Variants in GTF2A1 observed in about 807,000 individuals in gnomAD.
GTF2A1 encodes the protein transcription initiation factor IIA subunit 1.
GTF2A1 carries 12 observed loss-of-function variants against 54.1 expected under a neutral mutation model. The observed-to-expected ratio is 0.22, with a 90% CI of 0.14 to 0.36. The LOEUF is 0.36. Among genes scored for constraint, GTF2A1 ranks in the 10% least tolerant of loss-of-function variants. The probability of loss-of-function intolerance (pLI) is 1.00; values close to 1 mark genes in which losing one functional copy is unlikely to be tolerated. For missense variants in GTF2A1, 335 were observed against 442.2 expected (o/e 0.76, Z 2.17); for synonymous variants, 145 against 152.0 (o/e 0.95, Z 0.34).
intron 2 of GTF2A1, among the ~76,000 whole-genome samples, chr14:81,212,387 A>G (rs1332252690): frequency 1.3e-5 from 2 of 152,112 alleles, no homozygotes; most frequent in Non-Finnish European, 2.9e-5. Flanking sequence ...TTTACTGAAA[A>G]CCAGGGCTGT....
Position 81,177,832 on chromosome 14 carries a change from T to A in GTF2A1, c.*2391A>T, listed in dbSNP as rs1177344073. The A allele has an allele frequency of 6.6e-6, 1 of 152,098 alleles. No individual in the cohort carries two copies. The highest frequency in any genetic ancestry group is 1.5e-5 in the Non-Finnish European group (1 of 67,966). The allele number at this position is 152,098 out of a possible 1,614,324, so 9.4% of individuals were successfully genotyped here. Reference sequence around the variant, plus strand: ...GACATTCTTACAGCAAAAGCTACTATAATAAAACTAAAACATGCTATTTGA... The same window carrying A: ...GACATTCTTACAGCAAAAGCTACTAAAATAAAACTAAAACATGCTATTTGA... On this transcript the variant is annotated 3_prime_UTR_variant, in exon 9 of 9. Coordinates refer to ENST00000553612, the MANE Select transcript of GTF2A1 (RefSeq NM_015859.4).
chr14:81,213,716 G>C (rs1347839747), intron 2 of GTF2A1, among the ~76,000 whole-genome samples: 2 of 151,788 alleles, frequency 1.3e-5, no homozygotes, highest in African/African-American at 4.8e-5. Flanking sequence ...TCTTACACTT[G>C]TATTTTTAGA....
chr14:81,184,081 T>C (rs2140146691), intron 8 of GTF2A1, among the ~76,000 whole-genome samples: 1 of 152,310 alleles, frequency 6.6e-6, no homozygotes, highest in Non-Finnish European at 1.5e-5. Context: ...CACTTACTAA[T>C]TTAAAACAGT....
At chr14:81,180,430 C>A (rs1005111117) in intron 8 of GTF2A1, 100 bp from the exon 9 acceptor site, 3 of 640,382 alleles carry the variant, frequency 4.7e-6, no homozygotes, top group Non-Finnish European at 8.6e-6. Context: ...CACACACACC[C>A]CCCCACAAAA....
At chr14:81,181,406 T>C (rs1892635687) in intron 8 of GTF2A1, among the ~76,000 whole-genome samples, 1 of 151,984 alleles carries the variant, frequency 6.6e-6, no homozygotes, top group African/African-American at 2.4e-5. Flanking sequence ...ACAGATTGGA[T>C]AGGGTTCAAT....
intron 1 of GTF2A1, among the ~76,000 whole-genome samples, chr14:81,218,383 A>G (rs1479750633): frequency 6.6e-6 from 1 of 152,202 alleles, no homozygotes; most frequent in Non-Finnish European, 1.5e-5. Flanking sequence ...CATAAGCCCT[A>G]TAGGTGAAGG....
chr14:81,208,280 AC>A, intron 2 of GTF2A1, among the ~76,000 whole-genome samples: 1 of 152,280 alleles, frequency 6.6e-6, no homozygotes, highest in South Asian at 2.1e-4. Flanking sequence ...TAGAGCTCAG[AC>A]TGTGGCTTCA....
In GTF2A1 at chr14:81,192,798, A is replaced by T. The variant is rs746755331; in HGVS notation, c.654T>A (p.Gly218=). ...AGATTTGCTGAGGCTGGATGATGACACCTGTCTGTGGTGAAATCCCTCCAG... is the reference window on the plus strand; with the variant it reads ...AGATTTGCTGAGGCTGGATGATGACTCCTGTCTGTGGTGAAATCCCTCCAG... ...PLPGGISPQT[G]VIIQPQQILF... Residue 218 remains glycine (G), a synonymous_variant, in exon 7 of 9, where the codon GGT becomes GGA. Coordinates refer to ENST00000553612, the MANE Select transcript of GTF2A1 (RefSeq NM_015859.4). The T allele has an allele frequency of 1.2e-6, 2 of 1,613,578 alleles. No homozygotes were observed. The highest frequency in any genetic ancestry group is 3.3e-5 in the Admixed American group (2 of 60,024).
chr14:81,211,906 T>TATATATATATATATATATATAA (rs1482333114), intron 2 of GTF2A1, among the ~76,000 whole-genome samples: 1 of 140,804 alleles, frequency 7.1e-6, no homozygotes, highest in African/African-American at 2.7e-5. Context: ...TATATATATA[T>TATATATATATATATATATATAA]ATAACTAGAG....
chr14:81,220,366 C>CGGCGGCCGCGCG, intron 1 of GTF2A1, 123 bp downstream of exon 1: 1 of 438,014 alleles, frequency 2.3e-6, no homozygotes, highest in Non-Finnish European at 3.6e-6. Context: ...GCGGCGGCGG[C>CGGCGGCCGCGCG]GGCGGCCGCG....
chr14:81,203,610 A>G (rs975952152), intron 3 of GTF2A1, among the ~76,000 whole-genome samples: 4 of 152,216 alleles, frequency 2.6e-5, no homozygotes, highest in Non-Finnish European at 4.4e-5. Context: ...CAAAATATTA[A>G]TATAACTTCT....
chr14:81,213,006 C>A (rs999229638), intron 2 of GTF2A1, among the ~76,000 whole-genome samples: 2 of 152,204 alleles, frequency 1.3e-5, no homozygotes. Flanking sequence ...ATAACAAACT[C>A]ATTTTAGTCT....
At chr14:81,212,780 T>A (rs1451017190) in intron 2 of GTF2A1, among the ~76,000 whole-genome samples, 2 of 152,254 alleles carry the variant, frequency 1.3e-5, no homozygotes, top group Non-Finnish European at 2.9e-5. Flanking sequence ...AAGTTTAGAT[T>A]AATAAAAATT....
rs555527755 is a variant in GTF2A1 at position 81,186,855 on chromosome 14, G to A, written c.934-1235C>T. 7.2e-5 allele frequency among the ~76,000 whole-genome samples: 11 copies of A among 152,146 alleles called. No individual in the cohort carries two copies. In the South Asian group the frequency reaches 2.3e-3, roughly 32 times the overall value. On this transcript the variant is annotated intron_variant, in intron 7 of 8. Coordinates refer to ENST00000553612, the MANE Select transcript of GTF2A1 (RefSeq NM_015859.4). ...GTCCCACCTACTCAGGAGGATGAGG[G>A]TGGGAGGATTACTTGAACCCAGGTG...
At chr14:81,219,813 CT>C (rs561864246) in intron 1 of GTF2A1, among the ~76,000 whole-genome samples, 1 of 152,110 alleles carries the variant, frequency 6.6e-6, no homozygotes, top group Non-Finnish European at 1.5e-5. Context: ...CCACTGCAGG[CT>C]TTTTTTGTTT....
intron 7 of GTF2A1, among the ~76,000 whole-genome samples, chr14:81,188,927 T>G (rs1892810462): frequency 6.6e-6 from 1 of 152,222 alleles, no homozygotes; most frequent in African/African-American, 2.4e-5. Flanking sequence ...ACTTAACTCT[T>G]TTGCATGCGG....
chr14:81,190,402 CA>C (rs34738463), intron 7 of GTF2A1, among the ~76,000 whole-genome samples: 2 of 151,630 alleles, frequency 1.3e-5, no homozygotes, highest in Non-Finnish European at 1.5e-5. Context: ...TAAATATCTA[CA>C]AAAAAGTCCT....
At chr14:81,197,281 T>C (rs1195504086) in intron 5 of GTF2A1, 128 bp downstream of exon 5, 8 of 594,942 alleles carry the variant, frequency 1.3e-5, no homozygotes, top group Middle Eastern at 4.0e-4. Context: ...AAAGTTATTT[T>C]AATAACCTAA....
At chr14:81,195,978 A>G in intron 6 of GTF2A1, 130 bp downstream of exon 6, 1 of 740,212 alleles carries the variant, frequency 1.4e-6, no homozygotes, top group Non-Finnish European at 2.3e-6. Flanking sequence ...ATACAGGAGA[A>G]ATTTGAAACA....
Sources: gnomAD v4.1 joint callset for allele counts (sites outside exome capture counted in the v4.1 genomes callset) on GRCh38, gnomAD v4.1.1 for gene constraint, MANE v1.5 for transcripts, NCBI Gene and HGNC (gene_info 2026-07-23, HGNC 2026-07-21) for gene names.